Variants in KMT2C observed in about 807,000 individuals in gnomAD.
The protein encoded by KMT2C is histone-lysine N-methyltransferase 2C.
A neutral mutation model predicts 507.9 loss-of-function variants in KMT2C; 88 were observed. The observed-to-expected ratio is 0.17, with a 90% CI of 0.15 to 0.21. The LOEUF (loss-of-function observed/expected upper bound fraction) is 0.21. Among genes scored for constraint, KMT2C ranks in the 10% least tolerant of loss-of-function variants. The probability of loss-of-function intolerance (pLI) is 1.00; values close to 1 mark genes in which losing one functional copy is unlikely to be tolerated. For missense variants in KMT2C, 4,954 were observed against 5,957.8 expected, an observed-to-expected ratio of 0.83 and a Z score of 5.55; for synonymous variants, 2,049 against 2,080.8, an observed-to-expected ratio of 0.98 and a Z score of 0.42.
intron 4 of KMT2C, among the ~76,000 whole-genome samples, chr7:152,313,240 A>T (rs2096689546): frequency 6.7e-6 from 1 of 149,380 alleles, no homozygotes. Flanking sequence ...TTATTGGGAG[A>T]AAAAAAAAAG....
intron 6 of KMT2C, among the ~76,000 whole-genome samples, chr7:152,296,017 G>A (rs913578743): frequency 3.7e-5 from 5 of 135,524 alleles, no homozygotes; most frequent in South Asian, 4.5e-4. Context: ...GCAGTGAGCC[G>A]AGATCACGCC....
chr7:152,249,582 T>G (rs993517616), intron 13 of KMT2C, among the ~76,000 whole-genome samples: 1 of 149,812 alleles, frequency 6.7e-6, no homozygotes, highest in Non-Finnish European at 1.5e-5. Flanking sequence ...TCTTTCCCAC[T>G]TTATTGAAAG....
At chr7:152,151,711 A>G (rs1303951316) in intron 49 of KMT2C, 130 bp from the exon 50 acceptor site, 1 of 632,996 alleles carries the variant, frequency 1.6e-6, no homozygotes, top group East Asian at 3.1e-5. Flanking sequence ...TAATAAAAAA[A>G]ATTTATCTTC....
rs760479492 is a variant in KMT2C at position 152,199,319 on chromosome 7, T to C, written c.4233A>G (p.Leu1411=). The C allele has an allele frequency of 1.9e-6, 3 of 1,601,572 alleles. No homozygotes were observed. The highest frequency in any genetic ancestry group is 2.6e-6 in the Non-Finnish European group (3 of 1,175,932). ...TGFLDPSLDP[L]LSSSSAPTKS... ...TTGTTGGAGCCGAGGATGAACTAAG[T>C]AGTGGATCTAAGGAAGGATCCAAGA... The change falls in exon 27 of 59, where the codon CTA becomes CTG. Residue 1411 remains leucine (L), a synonymous_variant. Coordinates refer to ENST00000262189, the MANE Select transcript of KMT2C (RefSeq NM_170606.3).
chr7:152,364,251 A>G (rs1439339713), intron 1 of KMT2C, among the ~76,000 whole-genome samples: 1 of 152,242 alleles, frequency 6.6e-6, no homozygotes, highest in Non-Finnish European at 1.5e-5. Context: ...CATGAATATG[A>G]GAGAAACAGA....
At chr7:152,234,842 C>A (rs1043232946) in intron 16 of KMT2C, among the ~76,000 whole-genome samples, 3 of 151,890 alleles carry the variant, frequency 2.0e-5, no homozygotes, top group African/African-American at 4.8e-5. Context: ...TATGATCGCA[C>A]CACTGCACTC....
rs112966985 is a variant in KMT2C at position 152,299,689 on chromosome 7, T to C, written c.849+10277A>G. Among the ~76,000 whole-genome samples the C allele has an allele frequency of 1.7e-4, 26 of 151,752 alleles. No homozygotes were observed. The East Asian group carries it at 2.4e-3, about 14-fold the overall frequency. Reference sequence around the variant, plus strand: ...CAAGAAAAATGATGCAAGGAACAGATAGAGATAAATAGAAAACATATAAGA... The same window carrying C: ...CAAGAAAAATGATGCAAGGAACAGACAGAGATAAATAGAAAACATATAAGA... On this transcript the variant is annotated intron_variant, in intron 6 of 58. Coordinates refer to ENST00000262189, the MANE Select transcript of KMT2C (RefSeq NM_170606.3).
intron 1 of KMT2C, among the ~76,000 whole-genome samples, chr7:152,391,476 A>G (rs2097497149): frequency 6.7e-6 from 1 of 148,752 alleles, no homozygotes; most frequent in South Asian, 2.1e-4. Flanking sequence ...TCCTGACCTT[A>G]GGTAATCTGC....
chr7:152,290,254 A>ATGTGTGTGTG (rs1285878646), intron 6 of KMT2C, among the ~76,000 whole-genome samples: 2 of 41,604 alleles, frequency 4.8e-5, no homozygotes, highest in African/African-American at 1.6e-4. Flanking sequence ...GTGTGTGTGT[A>ATGTGTGTGTG]TGTGTATATA....
chr7:152,386,690 A>G (rs2097430939), intron 1 of KMT2C, among the ~76,000 whole-genome samples: 1 of 152,312 alleles, frequency 6.6e-6, no homozygotes, highest in African/African-American at 2.4e-5. Flanking sequence ...GAGTCCCAGT[A>G]TGACTTAACT....
At chr7:152,420,144 T>C (rs2097769167) in intron 1 of KMT2C, among the ~76,000 whole-genome samples, 1 of 152,222 alleles carries the variant, frequency 6.6e-6, no homozygotes, top group Non-Finnish European at 1.5e-5. Flanking sequence ...CAGTATTTGA[T>C]TTTGCCTAAC....
intron 23 of KMT2C, among the ~76,000 whole-genome samples, 160 bp from the exon 24 acceptor site, chr7:152,207,588 G>A (rs563030377): frequency 4.6e-5 from 7 of 152,254 alleles, no homozygotes; most frequent in African/African-American, 1.4e-4. Context: ...GCCCCAAATG[G>A]TTGTAGAAAT....
At chr7:152,302,916 T>G (rs1352017436) in intron 6 of KMT2C, among the ~76,000 whole-genome samples, 2 of 152,116 alleles carry the variant, frequency 1.3e-5, no homozygotes, top group Non-Finnish European at 1.5e-5. Context: ...AGTGCTGGGA[T>G]TACAGGCATG....
At chr7:152,232,083 G>A (rs2095135234) in intron 16 of KMT2C, among the ~76,000 whole-genome samples, 1 of 152,052 alleles carries the variant, frequency 6.6e-6, no homozygotes, top group African/African-American at 2.4e-5. Context: ...GTTTCACCAT[G>A]TTAGCCAGGA....
chr7:152,259,444 GCGCACACACACACA>G (rs1346340052), intron 9 of KMT2C, among the ~76,000 whole-genome samples: 2 of 85,370 alleles, frequency 2.3e-5, no homozygotes, highest in Non-Finnish European at 4.6e-5. Flanking sequence ...ACACACACAC[GCGCACACACACACA>G]CACACACACA....
chr7:152,347,105 C>T (rs978967357), intron 2 of KMT2C, among the ~76,000 whole-genome samples: 2 of 151,508 alleles, frequency 1.3e-5, no homozygotes, highest in South Asian at 2.1e-4. Flanking sequence ...GCCAGGGAGA[C>T]AAGGAAAAGG....
rs1235781664 is a variant in KMT2C at position 152,252,620 on chromosome 7, G to A, written c.1395C>T (p.Asn465=). Residue 465 remains asparagine (N), a synonymous_variant, in exon 10 of 59, where the codon AAC becomes AAT. Coordinates refer to ENST00000262189, the MANE Select transcript of KMT2C (RefSeq NM_170606.3). The part of the protein sequence containing the change: ...ICDNCYQQQD[N]LCPFCGKCYH... ...AACACTTCCCACAGAAGGGACATAA[G>A]TTATCCTGCTGTTGGTAACAATTGT... The A allele has an allele frequency of 8.1e-6, 13 of 1,613,352 alleles. No individual in the cohort carries two copies. The highest frequency in any genetic ancestry group is 1.1e-5 in the Non-Finnish European group (13 of 1,179,488).
chr7:152,348,599 TAAAAAAA>T (rs201530125), intron 2 of KMT2C, among the ~76,000 whole-genome samples: 4,701 of 49,078 alleles, frequency 0.096, 202 homozygotes, highest in South Asian at 0.21. Flanking sequence ...AACTCTGTCT[TAAAAAAA>T]AAAAAAAAAA....
intron 1 of KMT2C, among the ~76,000 whole-genome samples, chr7:152,434,991 C>T (rs1334598629): frequency 6.6e-6 from 1 of 152,098 alleles, no homozygotes; most frequent in Non-Finnish European, 1.5e-5. Context: ...GCTTTCGGAG[C>T]CCGGGAGTGC....
Sources: gnomAD v4.1 joint callset for allele counts (sites outside exome capture counted in the v4.1 genomes callset) on GRCh38, gnomAD v4.1.1 for gene constraint, MANE v1.5 for transcripts, NCBI Gene and HGNC (gene_info 2026-07-23, HGNC 2026-07-21) for gene names.